Variants in PRICKLE2 observed in about 807,000 individuals in gnomAD.
PRICKLE2 encodes prickle-like protein 2.
A neutral mutation model predicts 81.4 loss-of-function variants in PRICKLE2; 21 were observed. The observed-to-expected ratio is 0.26, with a 90% CI of 0.18 to 0.37. The LOEUF (loss-of-function observed/expected upper bound fraction) is 0.37, where lower values mean the gene tolerates loss of function less well. PRICKLE2 is among the 10% of genes least tolerant of loss of function. The pLI, the probability that PRICKLE2 is intolerant of heterozygous loss-of-function variation, is 1.00. For synonymous variants in PRICKLE2, 456 were observed against 421.5 expected (o/e 1.08, Z -1.00); for missense variants, 940 against 1,109.0 (o/e 0.85, Z 2.16).
chr3:64,125,701 G>A (rs1310729761), intron 7 of PRICKLE2, among the ~76,000 whole-genome samples: 1 of 152,220 alleles, frequency 6.6e-6, no homozygotes, highest in African/African-American at 2.4e-5. Context: ...ATAGACTACA[G>A]TATAATGTAA....
chr3:64,124,851 T>C (rs1236043495), intron 7 of PRICKLE2, among the ~76,000 whole-genome samples: 7 of 152,352 alleles, frequency 4.6e-5, no homozygotes, highest in East Asian at 3.9e-4. Context: ...TTTTCATGCC[T>C]GCTAACACAG....
intron 1 of PRICKLE2, among the ~76,000 whole-genome samples, chr3:64,203,915 T>C (rs1415889385): frequency 1.3e-5 from 2 of 151,274 alleles, no homozygotes; most frequent in African/African-American, 2.4e-5. Flanking sequence ...GAGGTGGAGG[T>C]TGCAGTGAGC....
intron 2 of PRICKLE2, among the ~76,000 whole-genome samples, chr3:64,257,980 T>C (rs894977620): frequency 1.3e-5 from 2 of 152,124 alleles, no homozygotes; most frequent in Non-Finnish European, 1.5e-5. Context: ...TAAGTCACCA[T>C]CTATGAACCA....
chr3:64,148,009 T>G (rs112633474), intron 6 of PRICKLE2, among the ~76,000 whole-genome samples: 8 of 152,344 alleles, frequency 5.3e-5, no homozygotes, highest in Middle Eastern at 3.4e-3. Context: ...AATATTAACG[T>G]ATGATCATGT....
intron 2 of PRICKLE2, among the ~76,000 whole-genome samples, chr3:64,260,352 T>C (rs2079598451): frequency 6.6e-6 from 1 of 152,186 alleles, no homozygotes; most frequent in South Asian, 2.1e-4. Flanking sequence ...GTGCAGCAGC[T>C]ACGAGGGCAA....
intron 2 of PRICKLE2, among the ~76,000 whole-genome samples, chr3:64,238,228 C>G (rs1034208898): frequency 6.6e-6 from 1 of 152,044 alleles, no homozygotes; most frequent in Non-Finnish European, 1.5e-5. Context: ...GGCTCACACC[C>G]GTAATCCCAG....
chr3:64,179,834 G>C (rs951602618), intron 2 of PRICKLE2, among the ~76,000 whole-genome samples: 6 of 152,134 alleles, frequency 3.9e-5, no homozygotes, highest in African/African-American at 1.4e-4. Flanking sequence ...AAGGAGTAAA[G>C]GGCTGAGCCA....
At chr3:64,166,345 A>G (rs2077832756) in intron 2 of PRICKLE2, among the ~76,000 whole-genome samples, 1 of 152,180 alleles carries the variant, frequency 6.6e-6, no homozygotes, top group Non-Finnish European at 1.5e-5. Flanking sequence ...AGAGACATTC[A>G]GTACTTTGAA....
intron 1 of PRICKLE2, chr3:64,199,698 A>T (rs891791647): frequency 6.6e-6 from 1 of 152,218 alleles, no homozygotes; most frequent in African/African-American, 2.4e-5. Context: ...CCCAAACTGA[A>T]CATTTCTCTT....
upstream of PRICKLE2, among the ~76,000 whole-genome samples, chr3:64,225,983 C>T (rs1485375589): frequency 3.3e-5 from 5 of 151,556 alleles, no homozygotes; most frequent in Admixed American, 1.3e-4. Flanking sequence ...TTGTGCACCT[C>T]GAAATAAAGC....
chr3:64,179,053 T>C (rs1242441055), intron 2 of PRICKLE2, among the ~76,000 whole-genome samples: 1 of 150,726 alleles, frequency 6.6e-6, no homozygotes, highest in African/African-American at 2.4e-5. Flanking sequence ...TCCTTCTTTC[T>C]TTCTTCTTTT....
At chr3:64,168,488 A>G (rs2077872805) in intron 2 of PRICKLE2, among the ~76,000 whole-genome samples, 1 of 152,232 alleles carries the variant, frequency 6.6e-6, no homozygotes, top group Non-Finnish European at 1.5e-5. Flanking sequence ...CGGGTTGGAC[A>G]AGCCTGATCT....
At chr3:64,254,709 AAATT>A (rs752777839) in intron 2 of PRICKLE2, among the ~76,000 whole-genome samples, 4 of 152,194 alleles carry the variant, frequency 2.6e-5, no homozygotes, top group Non-Finnish European at 5.9e-5. Context: ...TCTCAAGTCA[AAATT>A]AATCATTCCT....
chr3:64,136,057 A>C (rs2077273982), intron 7 of PRICKLE2, among the ~76,000 whole-genome samples: 1 of 152,186 alleles, frequency 6.6e-6, no homozygotes, highest in Non-Finnish European at 1.5e-5. Context: ...TATGTAATTA[A>C]GATATGTATC....
In PRICKLE2 at chr3:64,192,626, T is replaced by C. The variant is rs1559568180; in HGVS notation, c.144+6158A>G. Among the ~76,000 whole-genome samples the C allele has an allele frequency of 1.3e-5, 2 of 152,170 alleles. 1 individual carries two copies. Among genetic ancestry groups the C allele is most frequent in the South Asian group, 4.1e-4 (2 of 4,836 alleles). ...CTTTACAAGGCTCAAATCCAACTAA[T>C]TCACCCCTGTCTCTGGGTAGTACTG... On this transcript the variant is annotated intron_variant, in intron 2 of 7. Transcript: ENST00000638394.
At chr3:64,122,578 C>A (rs1380313818) in intron 7 of PRICKLE2, among the ~76,000 whole-genome samples, 1 of 152,154 alleles carries the variant, frequency 6.6e-6, no homozygotes, top group African/African-American at 2.4e-5. Context: ...GCACTGGCTG[C>A]CCTCACTTGT....
At chr3:64,264,993 A>AT in intron 2 of PRICKLE2, among the ~76,000 whole-genome samples, 1 of 152,268 alleles carries the variant, frequency 6.6e-6, no homozygotes, top group Non-Finnish European at 1.5e-5. Flanking sequence ...TTTCCCAGAC[A>AT]TTGAGTCCCA....
chr3:64,254,684 T>C (rs528663072), intron 2 of PRICKLE2, among the ~76,000 whole-genome samples: 110 of 152,352 alleles, frequency 7.2e-4, no homozygotes, highest in African/African-American at 2.5e-3. Context: ...TCTCGGAAGC[T>C]TTCTTGATCC....
chr3:64,245,973 G>T (rs2079344462), intron 2 of PRICKLE2, among the ~76,000 whole-genome samples: 1 of 152,110 alleles, frequency 6.6e-6, no homozygotes, highest in Non-Finnish European at 1.5e-5. Context: ...CACTGGGTGT[G>T]GTGGCTCACA....
Sources: allele counts gnomAD v4.1 joint callset (sites outside exome capture counted in the v4.1 genomes callset), GRCh38; gene constraint gnomAD v4.1.1; transcripts MANE v1.5; gene names NCBI Gene and HGNC (gene_info 2026-07-23, HGNC 2026-07-21).